Variants in FAT1 observed in about 807,000 individuals in gnomAD.
FAT1 encodes the protein FAT atypical cadherin 1, also known as protocadherin Fat 1.
In FAT1, 171 loss-of-function variants were observed where a neutral mutation model predicts 329.8. The ratio of observed to expected loss-of-function variants is 0.52; its 90% CI spans 0.46 to 0.59. The LOEUF (loss-of-function observed/expected upper bound fraction) is 0.59. Ranked by LOEUF, FAT1 falls within the 20% of genes least tolerant of loss-of-function variation. FAT1 has a pLI of 0.00. For missense variants in FAT1, 5,672 were observed against 5,774.4 expected, an observed-to-expected ratio of 0.98 and a Z score of 0.57; for synonymous variants, 2,233 against 2,228.6, an observed-to-expected ratio of 1.00 and a Z score of -0.06.
At chr4:186,647,507 T>C (rs1741435792) in intron 3 of FAT1, among the ~76,000 whole-genome samples, 1 of 152,212 alleles carries the variant, frequency 6.6e-6, no homozygotes, top group African/African-American at 2.4e-5. Context: ...TGTATAATGA[T>C]TATACAACAA....
rs2126700220 is a variant in FAT1, at chr4:186,708,936, C to A, written c.892G>T (p.Asp298Tyr). 1 of 1,614,012 alleles carries A rather than the reference C, an allele frequency of 6.2e-7. No homozygotes were observed. Among genetic ancestry groups the A allele is most frequent in the East Asian group, 2.2e-5 (1 of 44,876 alleles). ...ACTGTTCTAAACTGCTGGAGAAGGT[C>A]ACCTGCCACGATGCTTAAAGATGCT... ...DIASLSIVAGDLLQQFRTVRS... is the reference protein window; with the variant it reads ...DIASLSIVAGYLLQQFRTVRS... The change falls in exon 2 of 27, where the codon GAC becomes TAC. Residue 298 changes from aspartate to tyrosine, a missense_variant. Asp to Tyr is a radical substitution (Grantham distance 160, BLOSUM62 -3). Transcript: ENST00000441802.
At position 186,663,421 on chromosome 4, in the gene FAT1, G is replaced by A. The variant is rs2126617389; in HGVS notation, c.3458C>T (p.Pro1153Leu). The change falls in exon 3 of 27, where the codon CCT (proline) becomes CTT (leucine). Residue 1153 changes from proline to leucine, a missense_variant. Coordinates refer to ENST00000441802, the MANE Select transcript of FAT1 (RefSeq NM_005245.4). ...GATCTGGACCACAGATACATCTTTA[G>A]GAGAATTTTCCATGATTTCTGGGTA... Reference protein sequence around the residue: ...VYYPEIMENSPKDVSVVQIEA... With the variant: ...VYYPEIMENSLKDVSVVQIEA... The A allele has an allele frequency of 1.9e-6, 3 of 1,614,008 alleles. No individual in the cohort carries two copies. The Admixed American group carries it at 5.0e-5, about 27-fold the overall frequency.
intron 3 of FAT1, among the ~76,000 whole-genome samples, chr4:186,652,991 C>A: frequency 6.6e-6 from 1 of 152,120 alleles, no homozygotes. Context: ...TAAAATAATT[C>A]TATACTAAAT....
intron 9 of FAT1, among the ~76,000 whole-genome samples, chr4:186,625,985 G>A (rs1347335632): frequency 4.0e-5 from 6 of 149,696 alleles, no homozygotes; most frequent in Admixed American, 4.0e-4. Flanking sequence ...ATGGCACCTG[G>A]CACATAAAGT....
In FAT1 at chr4:186,708,174, C is replaced by G. The variant is rs772458580; in HGVS notation, c.1654G>C (p.Glu552Gln). ...TTGAGAGTAATTGTAGCAAGGACTT[C>G]GACTTCCCGGCGGTACGGCAAGCCC... ...DWGLPYRREV[E>Q]VLATITLNNL... The change falls in exon 2 of 27, where the codon GAA becomes CAA. Residue 552 changes from glutamate (E) to glutamine (Q), a missense_variant. By Grantham distance (29) the Glu-to-Gln change is conservative (BLOSUM62 2). Coordinates refer to ENST00000441802, the MANE Select transcript of FAT1 (RefSeq NM_005245.4). 19 of 1,613,856 alleles carry G rather than the reference C, an allele frequency of 1.2e-5. No individual in the cohort carries two copies. Among genetic ancestry groups the G allele is most frequent in the Non-Finnish European group, 1.4e-5 (17 of 1,179,914 alleles).
intron 3 of FAT1, among the ~76,000 whole-genome samples, chr4:186,659,042 G>A (rs184183846): frequency 1.2e-3 from 181 of 152,278 alleles, no homozygotes; most frequent in African/African-American, 4.3e-3. Context: ...CCGCACATAC[G>A]ACCGTGGTTG....
rs770652640 is a variant in FAT1, at chr4:186,628,443, G to A, written c.4599+45C>T. On this transcript the variant is annotated intron_variant, in intron 8 of 26. Transcript: ENST00000441802. Reference sequence around the variant, plus strand: ...TAAAAATCACGCTCGAACACACAAAGGCCTCAGGACCAAATGGTGGGAGGA... The same window carrying A: ...TAAAAATCACGCTCGAACACACAAAAGCCTCAGGACCAAATGGTGGGAGGA... 1.9e-6 allele frequency: 3 copies of A among 1,611,668 alleles called. No individual in the cohort carries two copies. The South Asian group carries it at 3.3e-5, about 18-fold the overall frequency.
chr4:186,645,945 C>CA (rs773581100), intron 3 of FAT1, among the ~76,000 whole-genome samples: 20,507 of 57,866 alleles, frequency 0.35, 3,956 homozygotes, highest in East Asian at 0.45. Flanking sequence ...GACTGTCTCA[C>CA]AAAAAAAAAA....
chr4:186,702,951 T>C (rs1487513467), intron 2 of FAT1, among the ~76,000 whole-genome samples: 3 of 152,162 alleles, frequency 2.0e-5, no homozygotes, highest in African/African-American at 7.2e-5. Flanking sequence ...ATCCTCACTG[T>C]AGACCTTACA....
intron 2 of FAT1, among the ~76,000 whole-genome samples, chr4:186,699,313 T>A (rs1424333768): frequency 6.6e-6 from 1 of 152,116 alleles, no homozygotes; most frequent in Admixed American, 6.6e-5. Context: ...AAAGACTGTA[T>A]TAGTAGACTC....
chr4:186,672,557 G>C (rs1351489330), intron 2 of FAT1, among the ~76,000 whole-genome samples: 1 of 152,216 alleles, frequency 6.6e-6, no homozygotes, highest in African/African-American at 2.4e-5. Flanking sequence ...ATGACTGACA[G>C]GGATGGCAAC....
At chr4:186,697,221 C>T (rs193170001) in intron 2 of FAT1, among the ~76,000 whole-genome samples, 40 of 152,230 alleles carry the variant, frequency 2.6e-4, no homozygotes, top group Non-Finnish European at 4.4e-4. Context: ...TTAACTTAAA[C>T]GAGGTATCAA....
chr4:186,698,540 G>C (rs1214876341), intron 2 of FAT1, among the ~76,000 whole-genome samples: 1 of 152,238 alleles, frequency 6.6e-6, no homozygotes, highest in Non-Finnish European at 1.5e-5. Context: ...ACGTAACGAA[G>C]AGGGCTGTCA....
intron 2 of FAT1, among the ~76,000 whole-genome samples, chr4:186,693,135 T>G (rs923413145): frequency 1.3e-5 from 2 of 152,228 alleles, no homozygotes; most frequent in Admixed American, 6.5e-5. Flanking sequence ...CATTACATGT[T>G]TGAACAGTAT....
intron 5 of FAT1, 56 bp from the exon 6 acceptor site, chr4:186,636,291 A>G: frequency 1.3e-6 from 2 of 1,496,096 alleles, no homozygotes; most frequent in Non-Finnish European, 9.3e-7. Flanking sequence ...TACAACCCAG[A>G]AATGAATGAA....
chr4:186,628,439 C>T (rs2126543830), intron 8 of FAT1, 49 bp downstream of exon 8: 1 of 1,611,486 alleles, frequency 6.2e-7, no homozygotes, highest in South Asian at 1.1e-5. Flanking sequence ...CTCGAACACA[C>T]AAAGGCCTCA....
chr4:186,620,074 G>A lies in FAT1; in HGVS notation c.6512C>T (p.Pro2171Leu), dbSNP rs753722602. ...CATGGCTTTATTCATGACAGTGATCGGAACGATAACTTCCGCTGAAAAGGC... is the reference window on the plus strand; with the variant it reads ...CATGGCTTTATTCATGACAGTGATCAGAACGATAACTTCCGCTGAAAAGGC... ...NPAFSAEVIV[P>L]ITVMNKAMPV... Residue 2171 changes from proline to leucine, a missense_variant, in exon 10 of 27, where the codon CCG becomes CTG. This residue lies in a region of FAT1 where 3,966 missense variants were observed against 3,915.2 expected (regional missense o/e 1.01). Coordinates refer to ENST00000441802, the MANE Select transcript of FAT1 (RefSeq NM_005245.4). 1.6e-4 allele frequency: 263 copies of A among 1,613,850 alleles called. No homozygotes were observed. Among genetic ancestry groups the A allele is most frequent in the Admixed American group, 3.5e-4 (21 of 59,990 alleles).
At chr4:186,677,525 A>G (rs1743014531) in intron 2 of FAT1, among the ~76,000 whole-genome samples, 1 of 152,008 alleles carries the variant, frequency 6.6e-6, no homozygotes, top group Non-Finnish European at 1.5e-5. Flanking sequence ...TGTATCATAT[A>G]ACGGAAGATT....
At chr4:186,628,022 A>T in intron 9 of FAT1, 132 bp downstream of exon 9, 4 of 949,260 alleles carry the variant, frequency 4.2e-6, no homozygotes, top group Non-Finnish European at 4.7e-6. Flanking sequence ...GTAAAATTGT[A>T]TCTAGAGATC....
Sources: allele counts gnomAD v4.1 joint callset (sites outside exome capture counted in the v4.1 genomes callset), GRCh38; gene constraint gnomAD v4.1.1; regional missense constraint gnomAD v4.1.1; transcripts MANE v1.5; gene names NCBI Gene and HGNC (gene_info 2026-07-23, HGNC 2026-07-21).